Variants in NCAM2 observed in about 807,000 individuals in gnomAD.
NCAM2 encodes the protein N-CAM-2.
In NCAM2, 30 loss-of-function variants were observed where a neutral mutation model predicts 98.1. The observed-to-expected ratio is 0.31, with a 90% CI of 0.23 to 0.41. The LOEUF is 0.41. Ranked by LOEUF, NCAM2 falls within the 10% of genes least tolerant of loss-of-function variation. NCAM2 has a pLI of 1.00. For missense variants in NCAM2, 867 were observed against 1,005.8 expected (o/e 0.86, Z 1.87); for synonymous variants, 368 against 342.4 (o/e 1.07, Z -0.83).
intron 1 of NCAM2, among the ~76,000 whole-genome samples, chr21:21,072,175 G>A (rs1461325197): frequency 6.6e-6 from 1 of 152,136 alleles, no homozygotes; most frequent in Admixed American, 6.6e-5. Context: ...GCCTCCCAAA[G>A]TGCTGGGGTT....
At chr21:21,381,066 A>T (rs913955733) in intron 9 of NCAM2, among the ~76,000 whole-genome samples, 1 of 152,248 alleles carries the variant, frequency 6.6e-6, no homozygotes, top group Non-Finnish European at 1.5e-5. Context: ...TTTAGGCAGC[A>T]TATGATAGAA....
chr21:21,381,190 T>G (rs954645869), intron 9 of NCAM2, among the ~76,000 whole-genome samples: 1 of 152,148 alleles, frequency 6.6e-6, no homozygotes, highest in African/African-American at 2.4e-5. Flanking sequence ...ACATACAGTC[T>G]CTGCCATATT....
At chr21:21,389,174 G>A (rs1159107805) in intron 9 of NCAM2, among the ~76,000 whole-genome samples, 1 of 152,186 alleles carries the variant, frequency 6.6e-6, no homozygotes, top group Non-Finnish European at 1.5e-5. Flanking sequence ...TGGGTGGGGG[G>A]AAGCCTTACA....
intron 1 of NCAM2, among the ~76,000 whole-genome samples, chr21:21,163,565 T>G (rs760086134): frequency 1.3e-5 from 2 of 152,210 alleles, no homozygotes; most frequent in African/African-American, 4.8e-5. Flanking sequence ...TTGCTTGATA[T>G]AACGTACATG....
chr21:21,009,510 T>TAGG (rs1227230513), intron 1 of NCAM2, among the ~76,000 whole-genome samples: 1 of 151,964 alleles, frequency 6.6e-6, no homozygotes, highest in Admixed American at 6.6e-5. Flanking sequence ...ATCTGAGGCA[T>TAGG]AGGAGATGGT....
intron 10 of NCAM2, among the ~76,000 whole-genome samples, chr21:21,413,464 A>G (rs1375765338): frequency 6.6e-6 from 1 of 152,226 alleles, no homozygotes; most frequent in Non-Finnish European, 1.5e-5. Context: ...CAAACCTAAT[A>G]TCATTAATTA....
intron 1 of NCAM2, among the ~76,000 whole-genome samples, chr21:21,006,234 T>C (rs2064110995): frequency 6.6e-6 from 1 of 152,012 alleles, no homozygotes; most frequent in African/African-American, 2.4e-5. Flanking sequence ...GGGTTGGGAG[T>C]GGTGGCTCAC....
chr21:21,272,719 A>G (rs2072564199), intron 1 of NCAM2, among the ~76,000 whole-genome samples: 1 of 152,116 alleles, frequency 6.6e-6, no homozygotes, highest in Admixed American at 6.6e-5. Flanking sequence ...AGGAGATATA[A>G]TCTTATACAT....
chr21:21,214,277 T>G (rs1421118852), intron 1 of NCAM2, among the ~76,000 whole-genome samples: 16 of 152,178 alleles, frequency 1.1e-4, no homozygotes. Context: ...GAAATAAGCA[T>G]GGTAATTACC....
chr21:21,020,980 T>C (rs75368870), intron 1 of NCAM2, among the ~76,000 whole-genome samples: 1,656 of 152,088 alleles, frequency 0.011, 29 homozygotes, highest in African/African-American at 0.037. Flanking sequence ...ATAGTAAAGA[T>C]TGTGGCAGTA....
intron 1 of NCAM2, among the ~76,000 whole-genome samples, chr21:21,161,956 T>C (rs752079158): frequency 1.8e-4 from 27 of 152,082 alleles, no homozygotes; most frequent in Non-Finnish European, 3.5e-4. Context: ...GATTGTAAAA[T>C]AGTTAAAAAT....
chr21:21,325,976 G>T (rs1468917546), intron 6 of NCAM2, among the ~76,000 whole-genome samples: 1 of 152,108 alleles, frequency 6.6e-6, no homozygotes, highest in Non-Finnish European at 1.5e-5. Flanking sequence ...GGAAAGTACA[G>T]GTGAATAAGC....
chr21:21,306,407 T>C (rs1003189234), intron 5 of NCAM2, among the ~76,000 whole-genome samples: 1 of 152,176 alleles, frequency 6.6e-6, no homozygotes, highest in Non-Finnish European at 1.5e-5. Flanking sequence ...CCTGATGAAT[T>C]GACGTCTTTC....
At chr21:21,513,912 T>G (rs1364258293) in intron 16 of NCAM2, among the ~76,000 whole-genome samples, 1 of 152,052 alleles carries the variant, frequency 6.6e-6, no homozygotes, top group Admixed American at 6.6e-5. Flanking sequence ...TTATATTCCC[T>G]TGATTAACCA....
At chr21:21,331,739 C>T (rs2147841287) in intron 6 of NCAM2, among the ~76,000 whole-genome samples, 1 of 143,830 alleles carries the variant, frequency 7.0e-6, no homozygotes, top group South Asian at 2.3e-4. Context: ...CAGGCACGTG[C>T]CACCACATGG....
intron 12 of NCAM2, among the ~76,000 whole-genome samples, chr21:21,453,394 G>T (rs1981633038): frequency 6.6e-6 from 1 of 151,830 alleles, no homozygotes; most frequent in African/African-American, 2.4e-5. Flanking sequence ...GGAATGGCAT[G>T]ATCAGAGAGA....
intron 9 of NCAM2, among the ~76,000 whole-genome samples, chr21:21,399,687 A>T (rs2016889887): frequency 6.6e-6 from 1 of 152,170 alleles, no homozygotes; most frequent in African/African-American, 2.4e-5. Flanking sequence ...TTCATGACCT[A>T]GTGGAAATTC....
intron 6 of NCAM2, among the ~76,000 whole-genome samples, chr21:21,331,578 T>TATATATATATATATATAGAG (rs1444969281): frequency 9.3e-4 from 2 of 2,148 alleles, no homozygotes; most frequent in Non-Finnish European, 4.5e-3. Context: ...CATATATATA[T>TATATATATATATATATAGAG]AGAGAGAGAG....
At chr21:21,454,888 A>T (rs554506154) in intron 12 of NCAM2, among the ~76,000 whole-genome samples, 50 of 152,036 alleles carry the variant, frequency 3.3e-4, no homozygotes, top group Admixed American at 1.8e-3. Context: ...TATAACAGAA[A>T]CAGGTTGCAC....
Sources: allele counts gnomAD v4.1 joint callset (sites outside exome capture counted in the v4.1 genomes callset), GRCh38; gene constraint gnomAD v4.1.1; transcripts MANE v1.5; gene names NCBI Gene and HGNC (gene_info 2026-07-23, HGNC 2026-07-21).